CSMD1: variants seen among roughly 807,000 people sequenced by gnomAD.
CSMD1 encodes the protein CUB and Sushi multiple domains 1.
A neutral mutation model predicts 417.5 loss-of-function variants in CSMD1; 213 were observed. That is an observed-to-expected ratio of 0.51 (90% confidence interval 0.46 to 0.57). The LOEUF is 0.57. Ranked by LOEUF, CSMD1 falls within the 20% of genes least tolerant of loss-of-function variation. The pLI is 0.00. For missense variants in CSMD1, 6,923 were observed against 4,529.7 expected, an observed-to-expected ratio of 1.53 and a Z score of -15.17; for synonymous variants, 2,862 against 1,736.8, an observed-to-expected ratio of 1.65 and a Z score of -16.11.
At chr8:4,101,737 G>A (rs959220666) in intron 3 of CSMD1, among the ~76,000 whole-genome samples, 1 of 152,144 alleles carries the variant, frequency 6.6e-6, no homozygotes, top group African/African-American at 2.4e-5. Context: ...AAGCAAACTG[G>A]GCCAATGATA....
At chr8:3,603,785 A>T (rs550064793) in intron 8 of CSMD1, among the ~76,000 whole-genome samples, 18 of 152,318 alleles carry the variant, frequency 1.2e-4, no homozygotes, top group African/African-American at 4.1e-4. Flanking sequence ...AGTAAACTAA[A>T]TTTTTTAGTT....
At chr8:3,999,627 G>A (rs1041734932) in intron 4 of CSMD1, among the ~76,000 whole-genome samples, 1 of 152,164 alleles carries the variant, frequency 6.6e-6, no homozygotes, top group Non-Finnish European at 1.5e-5. Context: ...CCCGGAGTTT[G>A]GAGTATTGCA....
chr8:3,709,616 G>T (rs547118175), intron 6 of CSMD1, among the ~76,000 whole-genome samples: 1 of 148,272 alleles, frequency 6.7e-6, no homozygotes, highest in Non-Finnish European at 1.5e-5. Context: ...AGAACAAAAG[G>T]CTGATCTGCC....
At chr8:3,785,546 G>A (rs1016006554) in intron 5 of CSMD1, among the ~76,000 whole-genome samples, 56 of 152,174 alleles carry the variant, frequency 3.7e-4, no homozygotes, top group Non-Finnish European at 3.1e-4. Context: ...ACACAATCAG[G>A]GCTTGAAGGG....
At chr8:3,883,216 C>T (rs545656142) in intron 5 of CSMD1, among the ~76,000 whole-genome samples, 2 of 152,206 alleles carry the variant, frequency 1.3e-5, no homozygotes, top group Admixed American at 1.3e-4. Context: ...GATACGTGTC[C>T]TTGAATGATT....
At chr8:4,912,135 A>AAAAAAAAGAAAAAAG (rs765904838) in intron 1 of CSMD1, among the ~76,000 whole-genome samples, 4 of 115,612 alleles carry the variant, frequency 3.5e-5, no homozygotes, top group Non-Finnish European at 5.7e-5. Flanking sequence ...AAAAAAAAAA[A>AAAAAAAAGAAAAAAG]AAAAAAGAAA....
intron 3 of CSMD1, among the ~76,000 whole-genome samples, chr8:4,406,667 A>G (rs1805047571): frequency 6.6e-6 from 1 of 152,192 alleles, no homozygotes; most frequent in Non-Finnish European, 1.5e-5. Context: ...CCTCCTGGCC[A>G]TGCCTTACAC....
At chr8:4,952,293 T>A (rs1421886485) in intron 1 of CSMD1, among the ~76,000 whole-genome samples, 1 of 151,938 alleles carries the variant, frequency 6.6e-6, no homozygotes, top group African/African-American at 2.4e-5. Context: ...ACAAATATTA[T>A]AATCAAGTTA....
chr8:3,310,465 C>G (rs933165753), intron 23 of CSMD1, among the ~76,000 whole-genome samples: 2 of 152,144 alleles, frequency 1.3e-5, no homozygotes, highest in Admixed American at 1.3e-4. Flanking sequence ...GATGATTCTC[C>G]CTGGCCACAC....
chr8:3,987,481 G>C (rs1238392044), intron 5 of CSMD1, among the ~76,000 whole-genome samples: 1 of 152,174 alleles, frequency 6.6e-6, no homozygotes, highest in Non-Finnish European at 1.5e-5. Context: ...AGCTAGATGA[G>C]TATCTTTAAT....
chr8:4,229,036 T>C (rs557466535), intron 3 of CSMD1, among the ~76,000 whole-genome samples: 2 of 152,266 alleles, frequency 1.3e-5, no homozygotes, highest in East Asian at 1.9e-4. Flanking sequence ...CCGACTGTCT[T>C]CTCAACCACC....
intron 10 of CSMD1, among the ~76,000 whole-genome samples, chr8:3,541,129 C>G (rs974818908): frequency 1.3e-5 from 2 of 152,120 alleles, no homozygotes; most frequent in Non-Finnish European, 2.9e-5. Context: ...GGAATCAACC[C>G]AAATGTCCAT....
chr8:3,830,776 G>A (rs191416862), intron 5 of CSMD1, among the ~76,000 whole-genome samples: 1 of 152,114 alleles, frequency 6.6e-6, no homozygotes, highest in East Asian at 1.9e-4. Flanking sequence ...AAGATGAATG[G>A]ATATGCACGC....
intron 8 of CSMD1, among the ~76,000 whole-genome samples, chr8:3,599,747 CTTCTTT>C (rs1366149677): frequency 6.6e-6 from 1 of 152,210 alleles, no homozygotes; most frequent in Non-Finnish European, 1.5e-5. Flanking sequence ...GCACTCCTCT[CTTCTTT>C]CACCAGGTGG....
chr8:3,473,243 G>A (rs573753752), intron 11 of CSMD1, among the ~76,000 whole-genome samples: 1 of 152,090 alleles, frequency 6.6e-6, no homozygotes, highest in African/African-American at 2.4e-5. Flanking sequence ...CAGTCAGCAA[G>A]CACACTGCCA....
At chr8:4,547,513 C>T (rs1354044039) in intron 2 of CSMD1, among the ~76,000 whole-genome samples, 1 of 152,052 alleles carries the variant, frequency 6.6e-6, no homozygotes, top group Admixed American at 6.5e-5. Flanking sequence ...CTACCAGGTC[C>T]CTATGCACAC....
chr8:4,373,678 A>G (rs1393727610), intron 3 of CSMD1, among the ~76,000 whole-genome samples: 1 of 152,048 alleles, frequency 6.6e-6, no homozygotes, highest in Non-Finnish European at 1.5e-5. Flanking sequence ...GAAACGTTTC[A>G]CTTTAATTTA....
chr8:4,702,623 A>G (rs573258949), intron 1 of CSMD1, among the ~76,000 whole-genome samples: 84 of 152,334 alleles, frequency 5.5e-4, no homozygotes, highest in African/African-American at 1.9e-3. Context: ...TTACCAGTCC[A>G]GAACACACTG....
intron 2 of CSMD1, among the ~76,000 whole-genome samples, chr8:4,465,017 G>C (rs183578139): frequency 2.2e-3 from 333 of 152,170 alleles, no homozygotes; most frequent in Non-Finnish European, 3.2e-3. Context: ...CCTTGGGAAA[G>C]GAAGAAAATA....
Sources: gnomAD v4.1 joint callset for allele counts (sites outside exome capture counted in the v4.1 genomes callset) on GRCh38, gnomAD v4.1.1 for gene constraint, MANE v1.5 for transcripts, NCBI Gene and HGNC (gene_info 2026-07-23, HGNC 2026-07-21) for gene names.